ANK3: variants seen among roughly 807,000 people sequenced by gnomAD.
The protein encoded by ANK3 is ankyrin-3.
ANK3 carries 57 observed loss-of-function variants against 370.9 expected under a neutral mutation model. That is an observed-to-expected ratio of 0.15 (90% CI 0.12 to 0.19). The LOEUF is 0.19. Among genes scored for constraint, ANK3 ranks in the 10% least tolerant of loss-of-function variants. The pLI, the probability that ANK3 is intolerant of heterozygous loss-of-function variation, is 1.00. For missense variants in ANK3, 4,439 were observed against 5,302.1 expected, an observed-to-expected ratio of 0.84 and a Z score of 5.06; for synonymous variants, 1,929 against 1,946.3, an observed-to-expected ratio of 0.99 and a Z score of 0.23.
intron 16 of ANK3, among the ~76,000 whole-genome samples, chr10:60,192,497 C>A (rs1382974391): frequency 6.6e-6 from 1 of 151,546 alleles, no homozygotes; most frequent in Non-Finnish European, 1.5e-5. Flanking sequence ...CACACACACA[C>A]CCCATGGAAT....
intron 2 of ANK3, among the ~76,000 whole-genome samples, chr10:60,422,198 A>G (rs1205596055): frequency 1.3e-5 from 2 of 152,082 alleles, no homozygotes; most frequent in Non-Finnish European, 2.9e-5. Context: ...TTCTACCATT[A>G]ATTATCCTTG....
chr10:60,657,116 A>T (rs2078875437), intron 1 of ANK3, among the ~76,000 whole-genome samples: 3 of 152,188 alleles, frequency 2.0e-5, no homozygotes, highest in Admixed American at 6.6e-5. Context: ...TCTTATGTTG[A>T]TGGCAGCAGG....
chr10:60,595,330 GA>G (rs2077972151), intron 2 of ANK3, among the ~76,000 whole-genome samples: 2 of 152,136 alleles, frequency 1.3e-5, no homozygotes, highest in African/African-American at 4.8e-5. Flanking sequence ...TAGGGTTTTT[GA>G]AAGAGAGTTT....
At chr10:60,466,707 T>C (rs937707260) in intron 2 of ANK3, among the ~76,000 whole-genome samples, 3 of 152,072 alleles carry the variant, frequency 2.0e-5, no homozygotes, top group Admixed American at 2.0e-4. Flanking sequence ...TGTATATATC[T>C]CAATGGAATA....
At chr10:60,526,525 C>T (rs186738196) in intron 2 of ANK3, among the ~76,000 whole-genome samples, 1 of 152,136 alleles carries the variant, frequency 6.6e-6, no homozygotes, top group Admixed American at 6.6e-5. Flanking sequence ...ATCGTTGTGA[C>T]AAAACAGCTC....
chr10:60,420,398 T>A (rs1222503111), intron 2 of ANK3, among the ~76,000 whole-genome samples: 1 of 152,024 alleles, frequency 6.6e-6, no homozygotes, highest in Non-Finnish European at 1.5e-5. Context: ...ACAGTCTAGC[T>A]GAAGAGAGAA....
chr10:60,110,873 A>G (rs1266120411), intron 26 of ANK3, among the ~76,000 whole-genome samples: 1 of 152,202 alleles, frequency 6.6e-6, no homozygotes, highest in Non-Finnish European at 1.5e-5. Context: ...ACATACACAC[A>G]TACACACACA....
At chr10:60,110,863 AC>A (rs1354145191) in intron 26 of ANK3, among the ~76,000 whole-genome samples, 1 of 152,212 alleles carries the variant, frequency 6.6e-6, no homozygotes, top group Admixed American at 6.5e-5. Context: ...GTCAGTACAC[AC>A]ATACACACAT....
At chr10:60,302,953 T>C (rs547589683) in intron 1 of ANK3, among the ~76,000 whole-genome samples, 131 of 152,140 alleles carry the variant, frequency 8.6e-4, no homozygotes, top group Non-Finnish European at 1.6e-3. Context: ...GAATGCACAA[T>C]GGGCAAAGAA....
chr10:60,081,982 T>C lies in ANK3; in HGVS notation c.4350+168A>G, dbSNP rs536951374. ...ATATTTAAGTACTCTTAAGTACGTG[T>C]GGAAGAAGAGTGAACCATTTAAGAA... On this transcript the variant is annotated intron_variant, in intron 35 of 43. Coordinates refer to ENST00000280772, the MANE Select transcript of ANK3 (RefSeq NM_020987.5). The C allele has an allele frequency of 5.9e-3, 2,730 of 464,780 alleles. 41 individuals are homozygous for C. Among genetic ancestry groups the C allele is most frequent in the Non-Finnish European group, 5.5e-3 (1,471 of 265,176 alleles). 28.8% of individuals were successfully genotyped at this position (464,780 alleles called of 1,614,324 possible). A position where few individuals can be genotyped will look rare whatever the true frequency, so the allele number is the denominator to read the frequency against.
intron 7 of ANK3, among the ~76,000 whole-genome samples, chr10:60,255,497 T>C (rs1423475833): frequency 6.6e-6 from 1 of 152,196 alleles, no homozygotes; most frequent in Non-Finnish European, 1.5e-5. Flanking sequence ...GGGGCTTAGA[T>C]AGCAAATAGA....
intron 1 of ANK3, among the ~76,000 whole-genome samples, chr10:60,654,020 T>A (rs1462525681): frequency 6.6e-6 from 1 of 152,228 alleles, no homozygotes; most frequent in Admixed American, 6.5e-5. Flanking sequence ...CTTTCAGCCA[T>A]GTTTTTGTAT....
At chr10:60,662,865 A>G (rs2078952394) in intron 1 of ANK3, among the ~76,000 whole-genome samples, 1 of 152,208 alleles carries the variant, frequency 6.6e-6, no homozygotes, top group African/African-American at 2.4e-5. Context: ...CCTTTAAGAT[A>G]AACAATTAAA....
At chr10:60,113,879 C>G (rs529679570) in intron 26 of ANK3, among the ~76,000 whole-genome samples, 7 of 151,532 alleles carry the variant, frequency 4.6e-5, no homozygotes, top group African/African-American at 1.7e-4. Flanking sequence ...AAAAGTAAAA[C>G]GGAGAAAAAT....
At chr10:60,164,222 T>C (rs2095564558) in intron 23 of ANK3, among the ~76,000 whole-genome samples, 1 of 152,202 alleles carries the variant, frequency 6.6e-6, no homozygotes, top group South Asian at 2.1e-4. Flanking sequence ...AGAGCTCTTG[T>C]AAGCAAAATT....
intron 1 of ANK3, among the ~76,000 whole-genome samples, chr10:60,724,969 T>C (rs1478888273): frequency 6.6e-6 from 1 of 152,208 alleles, no homozygotes; most frequent in African/African-American, 2.4e-5. Flanking sequence ...CACATTATCA[T>C]TATTTTCTTT....
intron 2 of ANK3, among the ~76,000 whole-genome samples, chr10:60,475,802 C>A (rs1035920273): frequency 2.6e-5 from 4 of 152,168 alleles, no homozygotes; most frequent in African/African-American, 9.7e-5. Context: ...GGACACATTT[C>A]CACTGGTCTC....
chr10:60,184,125 A>G (rs183612676), intron 17 of ANK3, among the ~76,000 whole-genome samples: 24 of 152,278 alleles, frequency 1.6e-4, no homozygotes, highest in Admixed American at 5.9e-4. Context: ...TAAAAACAAT[A>G]AAGTGTTTAG....
At chr10:60,344,226 C>T (rs894486265) in intron 1 of ANK3, among the ~76,000 whole-genome samples, 4 of 152,244 alleles carry the variant, frequency 2.6e-5, no homozygotes, top group African/African-American at 9.6e-5. Flanking sequence ...AATATCATGT[C>T]TATATCTTAA....
Sources: gnomAD v4.1 joint callset for allele counts (sites outside exome capture counted in the v4.1 genomes callset) on GRCh38, gnomAD v4.1.1 for gene constraint, MANE v1.5 for transcripts, NCBI Gene and HGNC (gene_info 2026-07-23, HGNC 2026-07-21) for gene names.